The following FUOM variants were observed in gnomAD, a reference collection of about 807,000 sequenced individuals.
FUOM encodes protein fucU homolog.
In FUOM, 19 loss-of-function variants were observed where a neutral mutation model predicts 18.3. That is an observed-to-expected ratio of 1.04 (90% CI 0.73 to 1.53). The LOEUF (loss-of-function observed/expected upper bound fraction) is 1.53. Among genes scored for constraint, FUOM ranks in the 40% most tolerant of loss-of-function variants. The pLI is 0.00. For synonymous variants in FUOM, 102 were observed against 87.9 expected (o/e 1.16, Z -0.90); for missense variants, 210 against 200.9 (o/e 1.04, Z -0.27).
Position 133,356,644 on chromosome 10 carries a change from C to T in FUOM, c.320G>A (p.Cys107Tyr). ...CAACTGGGGCTGCAGGCTTACCACA[C>T]AGCCGGCCCTGCGTAGGATGGACTC... ...EYESILRRAG[C>Y]VRALAKIERF... The change falls in exon 4 of 6, where the codon TGT (cysteine) becomes TAT (tyrosine). Residue 107 changes from cysteine (C) to tyrosine (Y), a missense_variant. Cys to Tyr is a radical substitution (Grantham distance 194). Transcript: ENST00000278025. 6.4e-7 allele frequency: 1 copy of T among 1,570,040 alleles called. No individual in the cohort carries two copies.
intron 1 of FUOM, 184 bp from the exon 2 acceptor site, chr10:133,357,439 AG>A (rs1482056426): frequency 3.1e-6 from 2 of 653,990 alleles, no homozygotes; most frequent in Non-Finnish European, 5.6e-6. Context: ...CCACGCGGGG[AG>A]GTGGGGAGGG....
At chr10:133,357,521 A>C (rs1848848873) in intron 1 of FUOM, 1 of 548,090 alleles carries the variant, frequency 1.8e-6, no homozygotes, top group South Asian at 2.1e-5. Context: ...TGACCAGGCC[A>C]GGGGGCCGAC....
intron 5 of FUOM, 63 bp downstream of exon 5, chr10:133,355,675 G>C (rs879762702): frequency 5.1e-5 from 79 of 1,558,076 alleles, no homozygotes; most frequent in Admixed American, 1.5e-4. Flanking sequence ...CCCCCGGTGG[G>C]GATGGGGGCA....
Position 133,356,639 on chromosome 10 carries a change from C to G in FUOM, c.324+1G>C. On this transcript the variant is annotated splice_donor_variant, in intron 4 of 5. Coordinates refer to ENST00000278025, the MANE Select transcript of FUOM (RefSeq NM_001098483.3). LOFTEE classifies it high-confidence loss of function. ...CCCCACAACTGGGGCTGCAGGCTTA[C>G]CACACAGCCGGCCCTGCGTAGGATG... 1 of 1,563,632 alleles carries G rather than the reference C, an allele frequency of 6.4e-7. No individual in the cohort carries two copies. Among genetic ancestry groups the G allele is most frequent in the East Asian group, 2.3e-5 (1 of 43,804 alleles).
At chr10:133,355,839 G>A (rs773861446) in intron 4 of FUOM, 28 bp from the exon 5 acceptor site, 4 of 1,585,792 alleles carry the variant, frequency 2.5e-6, no homozygotes, top group Admixed American at 3.3e-5. Context: ...AGGGTTGGAG[G>A]GAACCCTGCC....
chr10:133,353,340 G>C (rs1361381814), downstream of FUOM, among the ~76,000 whole-genome samples: 3 of 152,212 alleles, frequency 2.0e-5, no homozygotes, highest in African/African-American at 7.2e-5. Context: ...GGTCCAGGCT[G>C]CTGGAGTCAC....
chr10:133,355,345 C>G lies in FUOM; in HGVS notation c.*25G>C. 6.3e-7 allele frequency: 1 copy of G among 1,580,162 alleles called. No individual in the cohort carries two copies. The highest frequency in any genetic ancestry group is 1.3e-5 in the African/African-American group (1 of 74,558). ...GCTCAGGGTGCCCCCAGTTCCTCTT[C>G]CGGCCCAGGTGGTCTTCACCAGGCC... On this transcript the variant is annotated 3_prime_UTR_variant, in exon 6 of 6. Coordinates refer to ENST00000278025, the MANE Select transcript of FUOM (RefSeq NM_001098483.3).
Position 133,355,325 on chromosome 10 carries a change from G to T in FUOM, c.*45C>A. 1.3e-6 allele frequency: 2 copies of T among 1,552,112 alleles called. No individual in the cohort carries two copies. Among genetic ancestry groups the T allele is most frequent in the Non-Finnish European group, 1.7e-6 (2 of 1,155,164 alleles). ...TTGTGAGTGGTGGTACTGGAGCTCAGGGTGCCCCCAGTTCCTCTTCCGGCC... is the reference window on the plus strand; with the variant it reads ...TTGTGAGTGGTGGTACTGGAGCTCATGGTGCCCCCAGTTCCTCTTCCGGCC... On this transcript the variant is annotated 3_prime_UTR_variant, in exon 6 of 6. Coordinates refer to ENST00000278025, the MANE Select transcript of FUOM (RefSeq NM_001098483.3).
At chr10:133,355,695 G>A in intron 5 of FUOM, 43 bp downstream of exon 5, 1 of 1,593,452 alleles carries the variant, frequency 6.3e-7, no homozygotes, top group Non-Finnish European at 8.6e-7. Context: ...AGCTCCTGAG[G>A]CCCCAGTGGG....
chr10:133,357,154 C>A, intron 2 of FUOM, 33 bp downstream of exon 2: 1 of 1,551,804 alleles, frequency 6.4e-7, no homozygotes, highest in Non-Finnish European at 8.7e-7. Context: ...CTCACCCGCC[C>A]GCCCTGCCCT....
chr10:133,357,578 G>T (rs1242982795), intron 1 of FUOM: 1 of 488,326 alleles, frequency 2.0e-6, no homozygotes, highest in Non-Finnish European at 3.6e-6. Context: ...GCGGCTGCCC[G>T]CGATGCCCGG....
In FUOM at chr10:133,355,346, C is replaced by T. The variant is rs768828865; in HGVS notation, c.*24G>A. 1.1e-5 allele frequency: 17 copies of T among 1,581,470 alleles called. No individual in the cohort carries two copies. The highest frequency in any genetic ancestry group is 6.9e-5 in the South Asian group (6 of 87,256). On this transcript the variant is annotated 3_prime_UTR_variant, in exon 6 of 6. Coordinates refer to ENST00000278025, the MANE Select transcript of FUOM (RefSeq NM_001098483.3). ...CTCAGGGTGCCCCCAGTTCCTCTTC[C>T]GGCCCAGGTGGTCTTCACCAGGCCT...
chr10:133,357,893 C>A lies in FUOM; in HGVS notation c.85+30G>T, dbSNP rs776709664. ...TCGCCCTCCTGCCTGTCCCGGGGTG[C>A]TCCCCGAGGCCCCGGCCCGCTGCGC... On this transcript the variant is annotated intron_variant, in intron 1 of 5. Coordinates refer to ENST00000278025, the MANE Select transcript of FUOM (RefSeq NM_001098483.3). 3 of 1,505,464 alleles carry A rather than the reference C, an allele frequency of 2.0e-6. No homozygotes were observed. In the South Asian group the frequency reaches 3.7e-5, roughly 18 times the overall value. 93.3% of individuals were successfully genotyped at this position (1,505,464 alleles called of 1,614,324 possible).
chr10:133,357,824 C>G (rs956158343), intron 1 of FUOM, 99 bp downstream of exon 1: 2 of 978,212 alleles, frequency 2.0e-6, no homozygotes, highest in Non-Finnish European at 3.0e-6. Context: ...ACGCCCACAC[C>G]CCAGGACGCG....
chr10:133,358,016 A>C lies in FUOM; in HGVS notation c.-9T>G, dbSNP rs1848872233. 3.4e-6 allele frequency: 5 copies of C among 1,480,890 alleles called. No homozygotes were observed. The highest frequency in any genetic ancestry group is 4.5e-6 in the Non-Finnish European group (5 of 1,117,768). The allele number at this position is 1,480,890 out of a possible 1,614,324, so 91.7% of individuals were successfully genotyped here. A position where few individuals can be genotyped will look rare whatever the true frequency, so the allele number is the denominator to read the frequency against. ...CCCTTCAGCGCCACCATGGCCCGGC[A>C]GACGGGGCGGGCGGGGCCTAGGGGC... is the stretch of plus-strand genomic sequence containing the variant. On this transcript the variant is annotated 5_prime_UTR_variant, in exon 1 of 6. Coordinates refer to ENST00000278025, the MANE Select transcript of FUOM (RefSeq NM_001098483.3).
intron 5 of FUOM, 68 bp from the exon 6 acceptor site, chr10:133,355,504 A>G (rs1279563445): frequency 6.2e-7 from 1 of 1,606,662 alleles, no homozygotes; most frequent in Non-Finnish European, 8.5e-7. Flanking sequence ...CTGCTTCAGC[A>G]TCTGGGGGAC....
At chr10:133,355,941 G>C in intron 4 of FUOM, 130 bp from the exon 5 acceptor site, 1 of 790,778 alleles carries the variant, frequency 1.3e-6, no homozygotes, top group South Asian at 1.5e-5. Context: ...GCTCTCCCCC[G>C]GCAAGGGCCC....
chr10:133,357,594 GC>G, intron 1 of FUOM: 1 of 486,020 alleles, frequency 2.1e-6, no homozygotes, highest in Admixed American at 4.1e-5. Context: ...CCCGGACCAG[GC>G]CCCCGGCCAC....
Position 133,357,352 on chromosome 10 carries a change from G to A in FUOM, c.86-97C>T. On this transcript the variant is annotated intron_variant, in intron 1 of 5. Transcript: ENST00000278025. ...ACCCAGTCATGGCGGCAGATCGTGG[G>A]TCACAAGAGGTCTCAGGTCAGCCAG... The A allele has an allele frequency of 3.3e-6, 4 of 1,214,382 alleles. No homozygotes were observed. In the Admixed American group the frequency reaches 6.0e-5, roughly 18 times the overall value. 75.2% of individuals were successfully genotyped at this position (1,214,382 alleles called of 1,614,324 possible).
Sources: gnomAD v4.1 joint callset for allele counts (sites outside exome capture counted in the v4.1 genomes callset) on GRCh38, gnomAD v4.1.1 for gene constraint, MANE v1.5 for transcripts, NCBI Gene and HGNC (gene_info 2026-07-23, HGNC 2026-07-21) for gene names.